SLC5A4: variants seen among roughly 807,000 people sequenced by gnomAD.
SLC5A4 encodes solute carrier family 5 member 4, also known as probable glucose sensor protein SLC5A4.
A neutral mutation model predicts 70.3 loss-of-function variants in SLC5A4; 55 were observed. The ratio of observed to expected loss-of-function variants is 0.78; its 90% CI spans 0.63 to 0.98. SLC5A4 has a LOEUF of 0.98. Ranked by LOEUF, SLC5A4 falls within the 50% of genes least tolerant of loss-of-function variation. The pLI is 0.00. For synonymous variants in SLC5A4, 268 were observed against 305.7 expected, an observed-to-expected ratio of 0.88 and a Z score of 1.29; for missense variants, 735 against 839.2, an observed-to-expected ratio of 0.88 and a Z score of 1.53.
the SLC5A4 span, among the ~76,000 whole-genome samples, chr22:32,333,229 C>A: frequency 1.3e-5 from 2 of 150,456 alleles, no homozygotes; most frequent in South Asian, 4.3e-4. Context: ...CCAGTCCTGC[C>A]CTCACCCAGT....
chr22:32,252,847 A>G (rs1244223852), intron 2 of SLC5A4, among the ~76,000 whole-genome samples: 1 of 152,172 alleles, frequency 6.6e-6, no homozygotes, highest in Non-Finnish European at 1.5e-5. Context: ...CTAAAGACCC[A>G]GAGACCAAGA....
At chr22:32,334,995 G>C in the SLC5A4 span, among the ~76,000 whole-genome samples, 1 of 152,212 alleles carries the variant, frequency 6.6e-6, no homozygotes, top group East Asian at 1.9e-4. Context: ...GGGACGCTCC[G>C]CAGTGCTGGG....
At chr22:32,343,659 GCTA>G in the SLC5A4 span, among the ~76,000 whole-genome samples, 1 of 152,090 alleles carries the variant, frequency 6.6e-6, no homozygotes, top group South Asian at 2.1e-4. Flanking sequence ...TTCATGCATA[GCTA>G]CTACATTTTT....
At chr22:32,238,103 C>T (rs189405068) in intron 6 of SLC5A4, among the ~76,000 whole-genome samples, 38 of 152,200 alleles carry the variant, frequency 2.5e-4, no homozygotes, top group Admixed American at 1.0e-3. Context: ...ATCATGAAGA[C>T]TGTCTCCTAG....
At chr22:32,331,102 G>A in the SLC5A4 span, among the ~76,000 whole-genome samples, 1,024 of 133,808 alleles carry the variant, frequency 7.7e-3, 11 homozygotes, top group Middle Eastern at 0.018. Context: ...GTGTGTGTTG[G>A]AGGCTCTTGT....
chr22:32,286,669 C>G, the SLC5A4 span, among the ~76,000 whole-genome samples: 3 of 152,272 alleles, frequency 2.0e-5, no homozygotes, highest in Admixed American at 1.3e-4. Flanking sequence ...TGGGGCATGG[C>G]AGTCTGTACT....
chr22:32,353,947 G>T, the SLC5A4 span, among the ~76,000 whole-genome samples: 1 of 148,862 alleles, frequency 6.7e-6, no homozygotes, highest in Non-Finnish European at 1.5e-5. Flanking sequence ...AGCAACCCAG[G>T]GAGACGCCCC....
the SLC5A4 span, among the ~76,000 whole-genome samples, chr22:32,325,356 C>T: frequency 6.6e-6 from 1 of 152,168 alleles, no homozygotes; most frequent in Non-Finnish European, 1.5e-5. Flanking sequence ...TCTTGGGGCC[C>T]TGGCCGGGGT....
At chr22:32,270,777 C>T in the SLC5A4 span, 1 of 619,186 alleles carries the variant, frequency 1.6e-6, no homozygotes, top group South Asian at 1.6e-5. Flanking sequence ...GCGTGGTCAT[C>T]ATGAGTGCCG....
chr22:32,224,365 C>CACAGATAATCTTGGGACAGTT lies in SLC5A4; in HGVS notation c.1546_1566dup (p.Asn516_Cys522dup). The CACAGATAATCTTGGGACAGTT allele has an allele frequency of 6.2e-7, 1 of 1,614,026 alleles. No homozygotes were observed. The highest frequency in any genetic ancestry group is 8.5e-7 in the Non-Finnish European group (1 of 1,179,960). On this transcript the variant is annotated inframe_insertion, in exon 13 of 15. Coordinates refer to ENST00000266086, the MANE Select transcript of SLC5A4 (RefSeq NM_014227.3). Reference sequence around the variant, plus strand: ...ATGGAAAAGTACAGATAGTGCACTCCACAGATAATCTTGGGACAGTTACTG... The same window carrying CACAGATAATCTTGGGACAGTT: ...ATGGAAAAGTACAGATAGTGCACTCCACAGATAATCTTGGGACAGTTACAGATAATCTTGGGACAGTTACTG...
At chr22:32,334,623 C>T in the SLC5A4 span, among the ~76,000 whole-genome samples, 2 of 152,174 alleles carry the variant, frequency 1.3e-5, no homozygotes, top group African/African-American at 4.8e-5. Context: ...TTCCCTTAAA[C>T]GAACGGAACC....
the SLC5A4 span, among the ~76,000 whole-genome samples, chr22:32,353,838 T>A: frequency 6.8e-6 from 1 of 147,646 alleles, no homozygotes; most frequent in Non-Finnish European, 1.5e-5. Context: ...ACCAGACCCC[T>A]GCTGGGGGCA....
the SLC5A4 span, among the ~76,000 whole-genome samples, chr22:32,309,148 G>GGGCATGTTCAGAA: frequency 2.4e-5 from 3 of 127,036 alleles, no homozygotes; most frequent in Non-Finnish European, 5.9e-5. Flanking sequence ...CATGTTCAGA[G>GGGCATGTTCAGAA]GCTAACATGA....
At chr22:32,242,284 G>T (rs1350271458) in intron 5 of SLC5A4, among the ~76,000 whole-genome samples, 3 of 152,164 alleles carry the variant, frequency 2.0e-5, no homozygotes, top group Non-Finnish European at 4.4e-5. Context: ...AGCAGGGCTG[G>T]TACAAGATGA....
the SLC5A4 span, among the ~76,000 whole-genome samples, chr22:32,294,501 G>A: frequency 6.6e-6 from 1 of 151,942 alleles, no homozygotes; most frequent in East Asian, 1.9e-4. Flanking sequence ...AAGATACAGG[G>A]CATTTCCATC....
chr22:32,328,059 G>A, the SLC5A4 span, among the ~76,000 whole-genome samples: 7 of 150,866 alleles, frequency 4.6e-5, no homozygotes, highest in Admixed American at 2.6e-4. Flanking sequence ...GACCTTGGAC[G>A]ACGTCCCCAA....
In SLC5A4 at chr22:32,239,518, TTATATATATATATATATATATATA is replaced by T. The variant is rs1173210993; in HGVS notation, c.478-452_478-429del. On this transcript the variant is annotated intron_variant, in intron 5 of 14. Transcript: ENST00000266086. ...CTGCACTCCAGCCTGGGAGTGCATA[TTATATATATATATATATATATATA>T]TATATATATATATATATATATATAT... Among the ~76,000 whole-genome samples, 15 of 25,230 alleles carry T rather than the reference TTATATATATATATATATATATATA, an allele frequency of 5.9e-4. No homozygotes were observed. In the Admixed American group the frequency reaches 8.8e-3, roughly 15 times the overall value. The allele number at this position is 25,230 out of a possible 152,430, so 16.6% of individuals were successfully genotyped here. A position where few individuals can be genotyped will look rare whatever the true frequency, so the allele number is the denominator to read the frequency against.
the SLC5A4 span, among the ~76,000 whole-genome samples, chr22:32,329,329 ACT>A: frequency 2.6e-5 from 4 of 152,206 alleles, no homozygotes; most frequent in Non-Finnish European, 5.9e-5. Flanking sequence ...GACATGAGAC[ACT>A]GCATGTAACA....
At chr22:32,247,546 C>T in intron 4 of SLC5A4, 31 bp from the exon 5 acceptor site, 5 of 1,438,278 alleles carry the variant, frequency 3.5e-6, no homozygotes, top group Non-Finnish European at 3.9e-6. Flanking sequence ...AGGGACTTAA[C>T]TTACCCTTAG....
Sources: gnomAD v4.1 joint callset for allele counts (sites outside exome capture counted in the v4.1 genomes callset) on GRCh38, gnomAD v4.1.1 for gene constraint, MANE v1.5 for transcripts, NCBI Gene and HGNC (gene_info 2026-07-23, HGNC 2026-07-21) for gene names.